RAB38: variants seen among roughly 807,000 people sequenced by gnomAD.
RAB38 encodes ras-related protein Rab-38.
RAB38 carries 15 observed loss-of-function variants against 18.4 expected under a neutral mutation model. The ratio of observed to expected loss-of-function variants is 0.82; its 90% CI spans 0.55 to 1.26. RAB38 has a LOEUF of 1.26. Among genes scored for constraint, RAB38 ranks in the 50% most tolerant of loss-of-function variants. The pLI, the probability that RAB38 is intolerant of heterozygous loss-of-function variation, is 0.00. For missense variants in RAB38, 294 were observed against 267.4 expected (o/e 1.10, Z -0.69); for synonymous variants, 101 against 104.4 (o/e 0.97, Z 0.20).
chr11:88,027,463 C>T, the RAB38 span, among the ~76,000 whole-genome samples: 1 of 152,146 alleles, frequency 6.6e-6, no homozygotes, highest in African/African-American at 2.4e-5. Flanking sequence ...AGTTCCCTTT[C>T]CTAGTCAAAG....
the RAB38 span, among the ~76,000 whole-genome samples, chr11:87,951,255 C>G: frequency 6.6e-6 from 1 of 152,076 alleles, no homozygotes; most frequent in Non-Finnish European, 1.5e-5. Context: ...TTAAGGACTT[C>G]TCCTCTGCAT....
the RAB38 span, among the ~76,000 whole-genome samples, chr11:88,049,492 C>T: frequency 6.6e-6 from 1 of 151,916 alleles, no homozygotes; most frequent in African/African-American, 2.4e-5. Flanking sequence ...TTTACCTACC[C>T]AAATCTTATA....
At chr11:87,967,177 C>T in the RAB38 span, among the ~76,000 whole-genome samples, 1 of 152,096 alleles carries the variant, frequency 6.6e-6, no homozygotes, top group Non-Finnish European at 1.5e-5. Flanking sequence ...TATTTGTCAC[C>T]CTATTTTGAG....
At chr11:87,943,652 G>A in the RAB38 span, among the ~76,000 whole-genome samples, 3 of 152,134 alleles carry the variant, frequency 2.0e-5, no homozygotes, top group Non-Finnish European at 4.4e-5. Flanking sequence ...ATACTTAGGG[G>A]ATTTGGGAGA....
the RAB38 span, among the ~76,000 whole-genome samples, chr11:87,898,364 A>T: frequency 6.6e-6 from 1 of 151,620 alleles, no homozygotes; most frequent in Non-Finnish European, 1.5e-5. Context: ...TCAGATCCCA[A>T]ACCAATCATC....
chr11:88,051,340 A>C, the RAB38 span, among the ~76,000 whole-genome samples: 1 of 152,074 alleles, frequency 6.6e-6, no homozygotes, highest in African/African-American at 2.4e-5. Flanking sequence ...TAGGCAGTAC[A>C]TGCATAGATC....
the RAB38 span, among the ~76,000 whole-genome samples, chr11:88,006,594 A>ATAAT: frequency 4.8e-4 from 68 of 140,228 alleles, no homozygotes; most frequent in Non-Finnish European, 5.8e-4. Context: ...ATATGTATAT[A>ATAAT]ATATATATAC....
the RAB38 span, among the ~76,000 whole-genome samples, chr11:88,076,690 C>T: frequency 5.3e-5 from 8 of 151,684 alleles, no homozygotes; most frequent in Non-Finnish European, 7.4e-5. Context: ...CAGTGGCTCA[C>T]GCCTGCAATC....
chr11:88,126,536 C>T (rs1348532520), intron 2 of RAB38, among the ~76,000 whole-genome samples: 1 of 152,054 alleles, frequency 6.6e-6, no homozygotes, highest in Non-Finnish European at 1.5e-5. Context: ...GAACATCACA[C>T]ACTGGGGCTT....
chr11:87,961,663 T>C, the RAB38 span, among the ~76,000 whole-genome samples: 1 of 152,158 alleles, frequency 6.6e-6, no homozygotes, highest in Non-Finnish European at 1.5e-5. Context: ...AATGGTTCTG[T>C]ACCCAGGAAC....
At chr11:87,841,651 C>T in the RAB38 span, among the ~76,000 whole-genome samples, 1 of 152,122 alleles carries the variant, frequency 6.6e-6, no homozygotes, top group Non-Finnish European at 1.5e-5. Flanking sequence ...ACCCACACAC[C>T]AGAAACAGTC....
chr11:87,975,778 G>C, the RAB38 span, among the ~76,000 whole-genome samples: 1 of 151,250 alleles, frequency 6.6e-6, no homozygotes, highest in Non-Finnish European at 1.5e-5. Flanking sequence ...GTAGTAAGAG[G>C]TATAACAAAA....
chr11:87,824,682 T>A, the RAB38 span, among the ~76,000 whole-genome samples: 1 of 151,970 alleles, frequency 6.6e-6, no homozygotes, highest in South Asian at 2.1e-4. Context: ...GAAAGCTGAA[T>A]AAATGTCCAA....
chr11:87,850,159 G>T, the RAB38 span, among the ~76,000 whole-genome samples: 1 of 152,128 alleles, frequency 6.6e-6, no homozygotes, highest in South Asian at 2.1e-4. Flanking sequence ...TGTTTTGTCT[G>T]TAGAGGTACC....
the RAB38 span, among the ~76,000 whole-genome samples, chr11:87,885,910 G>A: frequency 1.3e-5 from 2 of 151,952 alleles, no homozygotes; most frequent in African/African-American, 4.8e-5. Context: ...TTGAAGTATT[G>A]TCTCATAGTT....
At chr11:87,941,919 G>T in the RAB38 span, among the ~76,000 whole-genome samples, 1 of 152,062 alleles carries the variant, frequency 6.6e-6, no homozygotes, top group Non-Finnish European at 1.5e-5. Flanking sequence ...CTCCTCTCAG[G>T]ATCATCCCTG....
At chr11:88,098,127 T>C in the RAB38 span, 1 of 151,896 alleles carries the variant, frequency 6.6e-6, no homozygotes, top group East Asian at 1.9e-4. Flanking sequence ...AGAGTCTTAT[T>C]TGGTGGTGGC....
chr11:87,907,555 T>A, the RAB38 span, among the ~76,000 whole-genome samples: 1 of 151,854 alleles, frequency 6.6e-6, no homozygotes, highest in African/African-American at 2.4e-5. Flanking sequence ...TTTTAATTAT[T>A]TCCATCATAG....
the RAB38 span, among the ~76,000 whole-genome samples, chr11:87,823,291 C>T: frequency 6.6e-6 from 1 of 151,896 alleles, no homozygotes; most frequent in African/African-American, 2.4e-5. Flanking sequence ...GAGGGATATA[C>T]CAGGTTCGTA....
Sources: gnomAD v4.1 joint callset for allele counts (sites outside exome capture counted in the v4.1 genomes callset) on GRCh38, gnomAD v4.1.1 for gene constraint, MANE v1.5 for transcripts, NCBI Gene and HGNC (gene_info 2026-07-23, HGNC 2026-07-21) for gene names.